The following EIF2AK2 variants were observed in gnomAD, a reference collection of about 807,000 sequenced individuals.
EIF2AK2 encodes interferon-induced, double-stranded RNA-activated protein kinase.
Under a neutral mutation model 70.5 loss-of-function variants are expected in EIF2AK2, and 40 were observed. The ratio of observed to expected loss-of-function variants is 0.57; its 90% CI spans 0.44 to 0.74. EIF2AK2 has a LOEUF of 0.74. Ranked by LOEUF, EIF2AK2 falls within the 30% of genes least tolerant of loss-of-function variation. The pLI, the probability that EIF2AK2 is intolerant of heterozygous loss-of-function variation, is 0.00. For missense variants in EIF2AK2, 555 were observed against 644.3 expected, an observed-to-expected ratio of 0.86 and a Z score of 1.50; for synonymous variants, 198 against 220.9, an observed-to-expected ratio of 0.90 and a Z score of 0.92.
At chr2:37,147,903 G>C in intron 2 of EIF2AK2, 81 bp from the exon 3 acceptor site, 5 of 947,168 alleles carry the variant, frequency 5.3e-6, no homozygotes, top group Non-Finnish European at 8.2e-6. Context: ...TTAGGAGACA[G>C]AGGGGTTGGG....
At position 37,126,449 on chromosome 2, in the gene EIF2AK2, G is replaced by A. The variant is rs1386736982; in HGVS notation, c.786-38C>T. 3 of 1,590,476 alleles carry A rather than the reference G, an allele frequency of 1.9e-6. No individual in the cohort carries two copies. The Admixed American group carries it at 5.5e-5, about 29-fold the overall frequency. On this transcript the variant is annotated intron_variant, in intron 10 of 16. Transcript: ENST00000233057. Reference sequence around the variant, plus strand: ...AACCACTGTTATTTTGACATTTCATGCTCAACCCCCACCCCCCCGCCTCCC... The same window carrying A: ...AACCACTGTTATTTTGACATTTCATACTCAACCCCCACCCCCCCGCCTCCC...
At chr2:37,107,625 C>T in intron 15 of EIF2AK2, 98 bp from the exon 16 acceptor site, 2 of 1,390,182 alleles carry the variant, frequency 1.4e-6, no homozygotes, top group Non-Finnish European at 2.0e-6. Flanking sequence ...AGGATATTTC[C>T]AGATTTTTTG....
chr2:37,149,307 T>G, intron 1 of EIF2AK2: 1 of 1,025,596 alleles, frequency 9.8e-7, no homozygotes, highest in Non-Finnish European at 1.5e-6. Flanking sequence ...CTGGATAATC[T>G]GTGGTATCAA....
chr2:37,106,342 T>C lies in EIF2AK2; in HGVS notation c.*931A>G, dbSNP rs563247880. 1 of 152,336 alleles carries C rather than the reference T, an allele frequency of 6.6e-6. No individual in the cohort carries two copies. The highest frequency in any genetic ancestry group is 1.9e-4 in the East Asian group (1 of 5,188). The allele number at this position is 152,336 out of a possible 1,614,324, so 9.4% of individuals were successfully genotyped here. A position where few individuals can be genotyped will look rare whatever the true frequency, so the allele number is the denominator to read the frequency against. On this transcript the variant is annotated 3_prime_UTR_variant, in exon 17 of 17. Coordinates refer to ENST00000233057, the MANE Select transcript of EIF2AK2 (RefSeq NM_001135651.3). ...ATTACATTTAGCTGTACTTCAATTG[T>C]TTTCAATACTATATAGTACTCCTGT...
In EIF2AK2 at chr2:37,141,650, T is replaced by A. The variant is rs762627735; in HGVS notation, c.292A>T (p.Met98Leu). The change falls in exon 5 of 17, where the codon ATG (methionine) becomes TTG (leucine). Residue 98 changes from methionine (M) to leucine (L), a missense_variant. By Grantham distance (15) the Met-to-Leu change is conservative. This residue lies in a region of EIF2AK2 where 208 missense variants were observed against 191.8 expected (regional missense o/e 1.08). Transcript: ENST00000233057. ...TTGATAAGGCCTATGTAATTCCCCATGGATAATCCTTCTGAAGAATTCGTT... is the reference window on the plus strand; with the variant it reads ...TTGATAAGGCCTATGTAATTCCCCAAGGATAATCCTTCTGAAGAATTCGTT... ...TTTNSSEGLS[M>L]GNYIGLINRI... is the part of the protein sequence containing the mutation. 1.9e-6 allele frequency: 3 copies of A among 1,614,020 alleles called. No individual in the cohort carries two copies. Among genetic ancestry groups the A allele is most frequent in the Non-Finnish European group, 2.5e-6 (3 of 1,179,974 alleles).
chr2:37,123,494 C>T (rs947189864), intron 11 of EIF2AK2, among the ~76,000 whole-genome samples: 4 of 152,108 alleles, frequency 2.6e-5, no homozygotes, highest in Admixed American at 1.3e-4. Context: ...TCTCAAACTC[C>T]TGGGATCTAG....
At chr2:37,126,447 A>G (rs559760882) in intron 10 of EIF2AK2, 36 bp from the exon 11 acceptor site, 2 of 1,594,056 alleles carry the variant, frequency 1.3e-6, no homozygotes, top group African/African-American at 1.4e-5. Context: ...TTGACATTTC[A>G]TGCTCAACCC....
intron 12 of EIF2AK2, among the ~76,000 whole-genome samples, chr2:37,122,244 G>C (rs1175127602): frequency 6.6e-6 from 1 of 152,206 alleles, no homozygotes; most frequent in Non-Finnish European, 1.5e-5. Context: ...TGAAACAATG[G>C]AGTCAGGAAA....
At chr2:37,111,786 A>C (rs1474096319) in intron 14 of EIF2AK2, among the ~76,000 whole-genome samples, 1 of 143,356 alleles carries the variant, frequency 7.0e-6, no homozygotes, top group African/African-American at 2.6e-5. Flanking sequence ...TGAGCCAAGG[A>C]GGTCGAGGCT....
rs1330766319 is a variant in EIF2AK2 at position 37,127,198 on chromosome 2, AT to A, written c.786-788del. ...CCTGTCAATTCTACCTCCAAAACAC[AT>A]TGCTGGTATCCACCCGCTTTCCTCT... On this transcript the variant is annotated intron_variant, in intron 10 of 16. Transcript: ENST00000233057. Among the ~76,000 whole-genome samples, 12 of 151,934 alleles carry A rather than the reference AT, an allele frequency of 7.9e-5. 1 individual carries two copies. Among genetic ancestry groups the A allele is most frequent in the Admixed American group, 7.9e-4 (12 of 15,236 alleles).
At chr2:37,153,337 C>CTTTTTT (rs1553340565) in intron 1 of EIF2AK2, among the ~76,000 whole-genome samples, 2 of 109,864 alleles carry the variant, frequency 1.8e-5, no homozygotes, top group Admixed American at 1.0e-4. Flanking sequence ...CTCTGCTAAT[C>CTTTTTT]TTTTTTTTTT....
intron 1 of EIF2AK2, among the ~76,000 whole-genome samples, chr2:37,154,746 G>C (rs896804368): frequency 1.3e-5 from 2 of 152,026 alleles, no homozygotes; most frequent in African/African-American, 4.8e-5. Context: ...ATTTTTAGTA[G>C]AGACGGGGTT....
intron 5 of EIF2AK2, 23 bp from the exon 6 acceptor site, chr2:37,139,780 C>T (rs1053077576): frequency 1.3e-6 from 2 of 1,590,310 alleles, no homozygotes; most frequent in Non-Finnish European, 1.7e-6. Flanking sequence ...ATAGAAGGTA[C>T]TTATCCAAAC....
chr2:37,108,694 T>C (rs1454277482), intron 15 of EIF2AK2, among the ~76,000 whole-genome samples: 1 of 151,528 alleles, frequency 6.6e-6, no homozygotes, highest in Non-Finnish European at 1.5e-5. Context: ...CTCAGCCCCC[T>C]GAGTAGTTGG....
chr2:37,131,710 A>G (rs1433409987), intron 10 of EIF2AK2, among the ~76,000 whole-genome samples: 4 of 152,098 alleles, frequency 2.6e-5, no homozygotes, highest in Non-Finnish European at 5.9e-5. Flanking sequence ...TGATTTATAG[A>G]TGGCAGCGCA....
chr2:37,132,269 C>G (rs565297130), intron 10 of EIF2AK2, among the ~76,000 whole-genome samples: 1 of 152,058 alleles, frequency 6.6e-6, no homozygotes, highest in East Asian at 1.9e-4. Context: ...TACTGTCATA[C>G]AAAACAAATT....
intron 14 of EIF2AK2, among the ~76,000 whole-genome samples, chr2:37,110,644 A>G (rs1200669802): frequency 6.6e-6 from 1 of 152,220 alleles, no homozygotes; most frequent in Non-Finnish European, 1.5e-5. Flanking sequence ...ATAGCTCAGT[A>G]TATCTATTCT....
In EIF2AK2 at chr2:37,106,264, AC is replaced by A. The variant is rs1292229952; in HGVS notation, c.*1008del. ...ATTATTCTGCATATATTTTCTGAAA[AC>A]CTGCTTTGTTCGCTTAACATTATGT... On this transcript the variant is annotated 3_prime_UTR_variant, in exon 17 of 17. Coordinates refer to ENST00000233057, the MANE Select transcript of EIF2AK2 (RefSeq NM_001135651.3). 2 of 152,046 alleles carry A rather than the reference AC, an allele frequency of 1.3e-5. No homozygotes were observed. Among genetic ancestry groups the A allele is most frequent in the Admixed American group, 1.3e-4 (2 of 15,260 alleles). The allele number at this position is 152,046 out of a possible 1,614,324, so 9.4% of individuals were successfully genotyped here. A position where few individuals can be genotyped will look rare whatever the true frequency, so the allele number is the denominator to read the frequency against.
At position 37,100,699 on chromosome 2, in the gene EIF2AK2, C is replaced by T. The variant is rs954785340; in HGVS notation, c.*6574G>A. The T allele has an allele frequency of 6.6e-6, 1 of 152,132 alleles. No individual in the cohort carries two copies. Among genetic ancestry groups the T allele is most frequent in the Non-Finnish European group, 1.5e-5 (1 of 68,028 alleles). 9.4% of individuals were successfully genotyped at this position (152,132 alleles called of 1,614,324 possible). ...AAAGAGTTAACATTTCAGTGGAGAC[C>T]TTTCCTATCTTGTATTTCCTACAGT... On this transcript the variant is annotated 3_prime_UTR_variant, in exon 17 of 17. Transcript: ENST00000233057.
Sources: allele counts gnomAD v4.1 joint callset (sites outside exome capture counted in the v4.1 genomes callset), GRCh38; gene constraint gnomAD v4.1.1; regional missense constraint gnomAD v4.1.1; transcripts MANE v1.5; gene names NCBI Gene and HGNC (gene_info 2026-07-23, HGNC 2026-07-21).